The following CSMD3 variants were observed in gnomAD, a reference collection of about 807,000 sequenced individuals.
CSMD3 encodes CUB and Sushi multiple domains 3, also known as CUB and sushi domain-containing protein 3.
In CSMD3, 177 loss-of-function variants were observed where a neutral mutation model predicts 435.2. That is an observed-to-expected ratio of 0.41 (90% CI 0.36 to 0.46). The LOEUF (loss-of-function observed/expected upper bound fraction) is 0.46. Among genes scored for constraint, CSMD3 ranks in the 20% least tolerant of loss-of-function variants. The probability of loss-of-function intolerance (pLI) is 0.34; values close to 1 mark genes in which losing one functional copy is unlikely to be tolerated. For synonymous variants in CSMD3, 1,656 were observed against 1,520.5 expected (o/e 1.09, Z -2.07); for missense variants, 4,265 against 4,504.6 (o/e 0.95, Z 1.52).
chr8:113,396,105 A>G (rs1445852818), intron 1 of CSMD3, among the ~76,000 whole-genome samples: 1 of 152,156 alleles, frequency 6.6e-6, no homozygotes. Context: ...CTTCCTCTAA[A>G]AAAACTCTCT....
intron 53 of CSMD3, among the ~76,000 whole-genome samples, chr8:112,300,413 A>AT (rs1306162394): frequency 1.3e-5 from 2 of 151,572 alleles, no homozygotes; most frequent in Non-Finnish European, 2.9e-5. Context: ...AAGATTTTTT[A>AT]TTTTTTTGAG....
intron 24 of CSMD3, among the ~76,000 whole-genome samples, chr8:112,565,407 A>G (rs1828982048): frequency 6.6e-6 from 1 of 152,164 alleles, no homozygotes; most frequent in South Asian, 2.1e-4. Flanking sequence ...CAAACCGGTA[A>G]CTAAATTAAA....
chr8:113,314,381 C>G, intron 2 of CSMD3, 190 bp downstream of exon 2: 1 of 586,586 alleles, frequency 1.7e-6, no homozygotes, highest in Non-Finnish European at 3.0e-6. Context: ...TATTAATGTA[C>G]TAGCAATATG....
rs539997366 is a variant in CSMD3 at position 112,376,553 on chromosome 8, G to A, written c.6136+3799C>T. On this transcript the variant is annotated intron_variant, in intron 38 of 70. Coordinates refer to ENST00000297405, the MANE Select transcript of CSMD3 (RefSeq NM_198123.2). Reference sequence around the variant, plus strand: ...CAAAACTTCCAGTTTAGGTAATGGTGTTTCAGTGAGGAACTAAGTGGCCTG... The same window carrying A: ...CAAAACTTCCAGTTTAGGTAATGGTATTTCAGTGAGGAACTAAGTGGCCTG... Among the ~76,000 whole-genome samples, 8 of 152,060 alleles carry A rather than the reference G, an allele frequency of 5.3e-5. No homozygotes were observed. The South Asian group carries it at 1.7e-3, about 32-fold the overall frequency.
intron 3 of CSMD3, among the ~76,000 whole-genome samples, chr8:113,203,710 T>C (rs1490050952): frequency 6.6e-6 from 1 of 152,142 alleles, no homozygotes; most frequent in Non-Finnish European, 1.5e-5. Context: ...CAAAATCTTT[T>C]AACATTTTTT....
chr8:113,361,178 T>C (rs998063107), intron 1 of CSMD3, among the ~76,000 whole-genome samples: 1 of 152,098 alleles, frequency 6.6e-6, no homozygotes, highest in South Asian at 2.1e-4. Flanking sequence ...TTGATTCCCC[T>C]CCCCCTAATA....
intron 65 of CSMD3, among the ~76,000 whole-genome samples, chr8:112,243,207 T>C (rs1182994692): frequency 6.7e-6 from 1 of 150,220 alleles, no homozygotes; most frequent in African/African-American, 2.4e-5. Context: ...AAGAATAAGA[T>C]CTTCTCATAC....
chr8:112,847,600 C>A (rs545087185), intron 11 of CSMD3, among the ~76,000 whole-genome samples: 3 of 152,242 alleles, frequency 2.0e-5, no homozygotes, highest in South Asian at 4.2e-4. Context: ...CCTGCTTTTT[C>A]AGGAACATAA....
chr8:113,030,417 T>TAAAAAAAAGAAAAAAAAA (rs2087046972), intron 5 of CSMD3, among the ~76,000 whole-genome samples: 1 of 24,352 alleles, frequency 4.1e-5, no homozygotes. Flanking sequence ...TTGGTACTGG[T>TAAAAAAAAGAAAAAAAAA]AAAAAAAAAA....
intron 32 of CSMD3, among the ~76,000 whole-genome samples, chr8:112,418,597 T>C (rs1490445313): frequency 6.6e-6 from 1 of 152,134 alleles, no homozygotes; most frequent in African/African-American, 2.4e-5. Flanking sequence ...TTCAATTTTA[T>C]GAAAAACAAA....
chr8:112,465,857 C>A (rs998346030), intron 32 of CSMD3, among the ~76,000 whole-genome samples: 12 of 151,784 alleles, frequency 7.9e-5, no homozygotes, highest in Non-Finnish European at 1.3e-4. Flanking sequence ...CGCCTATAAT[C>A]CCAGCCACTT....
chr8:113,169,481 GTTCT>G (rs1301863027), intron 4 of CSMD3, among the ~76,000 whole-genome samples: 2 of 152,002 alleles, frequency 1.3e-5, no homozygotes, highest in Non-Finnish European at 2.9e-5. Context: ...TGCATTCCAA[GTTCT>G]TTCTTTTTGG....
chr8:113,153,716 A>T (rs1371025675), intron 4 of CSMD3, among the ~76,000 whole-genome samples: 1 of 152,108 alleles, frequency 6.6e-6, no homozygotes, highest in African/African-American at 2.4e-5. Flanking sequence ...AACAGAATTT[A>T]GTCAAATGTT....
chr8:112,743,613 T>G (rs1054674402), intron 13 of CSMD3, among the ~76,000 whole-genome samples: 14 of 152,096 alleles, frequency 9.2e-5, no homozygotes, highest in Non-Finnish European at 2.1e-4. Context: ...TTATAATTTT[T>G]AATATATAGC....
intron 1 of CSMD3, among the ~76,000 whole-genome samples, chr8:113,392,381 G>T (rs902366011): frequency 1.5e-4 from 23 of 152,134 alleles, no homozygotes; most frequent in African/African-American, 5.1e-4. Flanking sequence ...TTATGGGGAA[G>T]TGGCTACGAT....
intron 7 of CSMD3, among the ~76,000 whole-genome samples, chr8:112,961,950 G>A (rs1356323838): frequency 6.6e-6 from 1 of 151,894 alleles, no homozygotes; most frequent in Non-Finnish European, 1.5e-5. Context: ...TCTCTTTAGG[G>A]ATTCTTATAA....
intron 1 of CSMD3, among the ~76,000 whole-genome samples, chr8:113,386,700 T>TCACA (rs1386893472): frequency 2.0e-5 from 3 of 151,812 alleles, no homozygotes; most frequent in African/African-American, 7.2e-5. Context: ...TCACCAATCT[T>TCACA]CTTAAAAATG....
chr8:112,409,715 G>A (rs1030545575), intron 32 of CSMD3, among the ~76,000 whole-genome samples: 1 of 151,918 alleles, frequency 6.6e-6, no homozygotes, highest in Non-Finnish European at 1.5e-5. Flanking sequence ...TACCAACAGA[G>A]CTTTATAGAT....
intron 3 of CSMD3, among the ~76,000 whole-genome samples, chr8:113,231,073 T>C (rs966215801): frequency 6.6e-6 from 1 of 151,470 alleles, no homozygotes; most frequent in Admixed American, 6.6e-5. Context: ...TCAGAATTCA[T>C]GCAATACTTC....
Sources: gnomAD v4.1 joint callset for allele counts (sites outside exome capture counted in the v4.1 genomes callset) on GRCh38, gnomAD v4.1.1 for gene constraint, MANE v1.5 for transcripts, NCBI Gene and HGNC (gene_info 2026-07-23, HGNC 2026-07-21) for gene names.